Variants in SUCLG2 observed in about 807,000 individuals in gnomAD.
SUCLG2 encodes the protein succinate-CoA ligase GDP-forming subunit beta, also known as succinate--CoA ligase [GDP-forming] subunit beta, mitochondrial.
SUCLG2 carries 42 observed loss-of-function variants against 47.9 expected under a neutral mutation model. That is an observed-to-expected ratio of 0.88 (90% CI 0.69 to 1.14). The LOEUF (loss-of-function observed/expected upper bound fraction) is 1.14. Ranked by LOEUF, SUCLG2 falls within the 50% of genes most tolerant of loss-of-function variation. SUCLG2 has a pLI of 0.00. For missense variants in SUCLG2, 571 were observed against 525.9 expected (o/e 1.09, Z -0.84); for synonymous variants, 195 against 197.3 (o/e 0.99, Z 0.10).
At position 67,452,933 on chromosome 3, in the gene SUCLG2, C is replaced by T. The variant is rs552391997; in HGVS notation, c.1062+42865G>A. Among the ~76,000 whole-genome samples, 25 of 152,220 alleles carry T rather than the reference C, an allele frequency of 1.6e-4. 1 individual carries two copies. The South Asian group carries it at 3.7e-3, about 23-fold the overall frequency. Reference sequence around the variant, plus strand: ...CCTTTTGAAACTGCATAATCTCGCACGTTTTAAAGGAGCCTCTGGTATTAT... The same window carrying T: ...CCTTTTGAAACTGCATAATCTCGCATGTTTTAAAGGAGCCTCTGGTATTAT... On this transcript the variant is annotated intron_variant, in intron 9 of 10. Coordinates refer to ENST00000307227, the MANE Select transcript of SUCLG2 (RefSeq NM_003848.4).
intron 9 of SUCLG2, among the ~76,000 whole-genome samples, chr3:67,425,843 T>C (rs991137484): frequency 1.3e-5 from 2 of 152,360 alleles, no homozygotes; most frequent in South Asian, 4.1e-4. Flanking sequence ...GACACCATGA[T>C]ACTGCATAAA....
chr3:67,633,990 T>A (rs1441977498), intron 1 of SUCLG2, among the ~76,000 whole-genome samples: 1 of 152,234 alleles, frequency 6.6e-6, no homozygotes, highest in Non-Finnish European at 1.5e-5. Context: ...AATAAAGTAT[T>A]CATTTTATAA....
chr3:67,404,897 A>G (rs1205147386), intron 9 of SUCLG2, among the ~76,000 whole-genome samples: 1 of 152,020 alleles, frequency 6.6e-6, no homozygotes, highest in Non-Finnish European at 1.5e-5. Flanking sequence ...TTTTACAACC[A>G]CTAACTGCTG....
intron 9 of SUCLG2, among the ~76,000 whole-genome samples, chr3:67,471,305 G>A (rs28637707): frequency 0.14 from 21,845 of 152,128 alleles, 2,441 homozygotes; most frequent in African/African-American, 0.31. Context: ...CAAGCAAAGT[G>A]AGGCTAGGCA....
chr3:67,457,404 A>G (rs1426000648), intron 9 of SUCLG2, among the ~76,000 whole-genome samples: 1 of 152,216 alleles, frequency 6.6e-6, no homozygotes, highest in Non-Finnish European at 1.5e-5. Context: ...AACTTGAATA[A>G]TATCAATTTT....
intron 10 of SUCLG2, among the ~76,000 whole-genome samples, chr3:67,393,685 G>T (rs926506304): frequency 6.6e-6 from 1 of 152,174 alleles, no homozygotes; most frequent in East Asian, 1.9e-4. Flanking sequence ...CTCCTGGCAC[G>T]CAGCTGGAGA....
chr3:67,654,338 G>C (rs1234609136), intron 1 of SUCLG2, among the ~76,000 whole-genome samples, 165 bp downstream of exon 1: 1 of 152,194 alleles, frequency 6.6e-6, no homozygotes, highest in African/African-American at 2.4e-5. Context: ...CACTGGAGCG[G>C]GGTTCCCTGC....
chr3:67,404,088 G>A (rs1172266429), intron 9 of SUCLG2, among the ~76,000 whole-genome samples: 6 of 152,108 alleles, frequency 3.9e-5, no homozygotes, highest in Non-Finnish European at 7.4e-5. Context: ...ATTTTGCCAT[G>A]TTGGCCAGCT....
intron 1 of SUCLG2, among the ~76,000 whole-genome samples, chr3:67,635,827 T>C (rs1372634354): frequency 6.6e-6 from 1 of 152,180 alleles, no homozygotes; most frequent in Non-Finnish European, 1.5e-5. Flanking sequence ...AGGCCTTTTG[T>C]TTCCCATTTC....
intron 6 of SUCLG2, among the ~76,000 whole-genome samples, chr3:67,512,186 T>G (rs1705810931): frequency 6.6e-6 from 1 of 151,214 alleles, no homozygotes; most frequent in South Asian, 2.1e-4. Flanking sequence ...GTCACTCTTA[T>G]ATGGCTTCTG....
rs929336235 is a variant in SUCLG2, at chr3:67,639,098, G to A, written c.84+15405C>T. 6.6e-5 allele frequency among the ~76,000 whole-genome samples: 10 copies of A among 152,268 alleles called. No individual in the cohort carries two copies. The South Asian group carries it at 1.0e-3, about 16-fold the overall frequency. ...AAAAGAAGAGCTGGCTTCAGTTAAC[G>A]GATAATAGTTCCTGGCATGTTTTTA... On this transcript the variant is annotated intron_variant, in intron 1 of 10. Coordinates refer to ENST00000307227, the MANE Select transcript of SUCLG2 (RefSeq NM_003848.4).
chr3:67,368,489 T>C (rs988226134), intron 10 of SUCLG2, among the ~76,000 whole-genome samples: 4 of 152,152 alleles, frequency 2.6e-5, no homozygotes, highest in African/African-American at 9.6e-5. Flanking sequence ...TTGTCCTATG[T>C]ATTATTGTCT....
intron 8 of SUCLG2, among the ~76,000 whole-genome samples, chr3:67,497,156 A>G (rs61358996): frequency 0.022 from 3,326 of 152,316 alleles, 70 homozygotes; most frequent in African/African-American, 0.053. Context: ...TATTGCTCCA[A>G]TACAAAGCAA....
chr3:67,465,114 T>C (rs1200539172), intron 9 of SUCLG2, among the ~76,000 whole-genome samples: 1 of 152,190 alleles, frequency 6.6e-6, no homozygotes, highest in South Asian at 2.1e-4. Flanking sequence ...TGGAGGCAAT[T>C]TGGAGACACC....
chr3:67,472,001 A>C (rs1704618003), intron 9 of SUCLG2, among the ~76,000 whole-genome samples: 1 of 152,238 alleles, frequency 6.6e-6, no homozygotes, highest in Admixed American at 6.5e-5. Flanking sequence ...CCTTGTTTTA[A>C]GACAATTATT....
chr3:67,429,537 T>C (rs1443342706), intron 9 of SUCLG2, among the ~76,000 whole-genome samples: 1 of 152,028 alleles, frequency 6.6e-6, no homozygotes, highest in East Asian at 1.9e-4. Context: ...AGAAACTGCA[T>C]CAACTAACAA....
intron 9 of SUCLG2, among the ~76,000 whole-genome samples, chr3:67,466,550 A>C (rs188459692): frequency 1.3e-5 from 2 of 152,264 alleles, no homozygotes; most frequent in East Asian, 3.9e-4. Flanking sequence ...CTGTCTTGTG[A>C]GGGAAGCTTA....
intron 1 of SUCLG2, among the ~76,000 whole-genome samples, chr3:67,633,616 T>C (rs775861984): frequency 6.6e-6 from 1 of 152,202 alleles, no homozygotes; most frequent in Admixed American, 6.5e-5. Flanking sequence ...TACCTAGTTG[T>C]AGTAAATGCC....
intron 9 of SUCLG2, among the ~76,000 whole-genome samples, chr3:67,435,571 C>T (rs1292695744): frequency 6.6e-6 from 1 of 152,178 alleles, no homozygotes; most frequent in Non-Finnish European, 1.5e-5. Flanking sequence ...AATGTACATG[C>T]ATCATCTTAT....
Sources: gnomAD v4.1 joint callset for allele counts (sites outside exome capture counted in the v4.1 genomes callset) on GRCh38, gnomAD v4.1.1 for gene constraint, MANE v1.5 for transcripts, NCBI Gene and HGNC (gene_info 2026-07-23, HGNC 2026-07-21) for gene names.